HOOK1: variants seen among roughly 807,000 people sequenced by gnomAD.
HOOK1 encodes protein Hook homolog 1.
Under a neutral mutation model 112.8 loss-of-function variants are expected in HOOK1, and 60 were observed. The ratio of observed to expected loss-of-function variants is 0.53; its 90% CI spans 0.43 to 0.66. The LOEUF (loss-of-function observed/expected upper bound fraction) is 0.66. Ranked by LOEUF, HOOK1 falls within the 30% of genes least tolerant of loss-of-function variation. The pLI, the probability that HOOK1 is intolerant of heterozygous loss-of-function variation, is 0.00. For synonymous variants in HOOK1, 294 were observed against 283.8 expected (o/e 1.04, Z -0.36); for missense variants, 770 against 856.0 (o/e 0.90, Z 1.25).
At chr1:59,828,890 A>C in intron 3 of HOOK1, 38 bp downstream of exon 3, 1 of 1,509,718 alleles carries the variant, frequency 6.6e-7, no homozygotes, top group Non-Finnish European at 9.2e-7. Flanking sequence ...TGATCCAAAC[A>C]GTGGTCCTAA....
chr1:59,846,578 CCTTCCTTCCTCCCT>C (rs1559053202), intron 9 of HOOK1, among the ~76,000 whole-genome samples: 2 of 69,378 alleles, frequency 2.9e-5, no homozygotes, highest in Non-Finnish European at 6.0e-5. Flanking sequence ...TTCCTTCCTT[CCTTCCTTCCTCCCT>C]CCTCCCTCCC....
chr1:59,848,229 G>T (rs1490170220), intron 10 of HOOK1, 86 bp from the exon 11 acceptor site: 1 of 937,374 alleles, frequency 1.1e-6, no homozygotes, highest in Non-Finnish European at 1.6e-6. Flanking sequence ...TTTTGTGATA[G>T]TTTGGAAGAT....
intron 9 of HOOK1, among the ~76,000 whole-genome samples, chr1:59,843,942 A>T (rs2098402318): frequency 6.6e-6 from 1 of 152,008 alleles, no homozygotes; most frequent in South Asian, 2.1e-4. Flanking sequence ...AATGGAAAAA[A>T]ATGTAAATCG....
chr1:59,866,022 C>T (rs1377749732), intron 19 of HOOK1, 50 bp downstream of exon 19: 14 of 993,038 alleles, frequency 1.4e-5, no homozygotes, highest in Non-Finnish European at 2.0e-5. Flanking sequence ...TGTGTTTTAG[C>T]AAGGCTCATT....
Position 59,847,476 on chromosome 1 carries a change from G to A in HOOK1, c.929+291G>A, listed in dbSNP as rs564305017. 2.0e-5 allele frequency among the ~76,000 whole-genome samples: 3 copies of A among 151,542 alleles called. No homozygotes were observed. In the South Asian group the frequency reaches 6.2e-4, roughly 32 times the overall value. Reference sequence around the variant, plus strand: ...GAGTACTTATAGATACATTTAACTTGACCTCCCTGTACCTGTCATATTTTG... The same window carrying A: ...GAGTACTTATAGATACATTTAACTTAACCTCCCTGTACCTGTCATATTTTG... On this transcript the variant is annotated intron_variant, in intron 10 of 21. Coordinates refer to ENST00000371208, the MANE Select transcript of HOOK1 (RefSeq NM_015888.6).
intron 18 of HOOK1, among the ~76,000 whole-genome samples, 164 bp downstream of exon 18, chr1:59,865,409 G>C (rs1240202108): frequency 1.3e-5 from 2 of 151,998 alleles, no homozygotes; most frequent in Non-Finnish European, 2.9e-5. Flanking sequence ...ATTAATAAAA[G>C]ATATATTATT....
rs144228569 is a variant in HOOK1 at position 59,851,826 on chromosome 1, A to G, written c.1242+2643A>G. Among the ~76,000 whole-genome samples, 61 of 151,770 alleles carry G rather than the reference A, an allele frequency of 4.0e-4. 1 individual carries two copies. Among genetic ancestry groups the G allele is most frequent in the African/African-American group, 1.3e-3 (56 of 41,528 alleles). ...TCGTTTTTGTTTTTGGATGCCCTCT[A>G]CAAGGTTGAAGAATTTTCCTTCTAT... On this transcript the variant is annotated intron_variant, in intron 12 of 21. Coordinates refer to ENST00000371208, the MANE Select transcript of HOOK1 (RefSeq NM_015888.6).
chr1:59,848,539 A>G (rs745565118), intron 11 of HOOK1, 23 bp downstream of exon 11: 3 of 1,502,864 alleles, frequency 2.0e-6, no homozygotes, highest in Non-Finnish European at 2.8e-6. Flanking sequence ...TTAATTTTTA[A>G]TTGATAAAAT....
intron 12 of HOOK1, 122 bp downstream of exon 12, chr1:59,849,305 G>A (rs2098405856): frequency 3.7e-6 from 2 of 547,526 alleles, no homozygotes; most frequent in Non-Finnish European, 6.2e-6. Context: ...TGAATTTTTT[G>A]ACATAAAAGT....
In HOOK1 at chr1:59,835,425, A is replaced by T. The variant is rs2098396891; in HGVS notation, c.474+13A>T. On this transcript the variant is annotated intron_variant, in intron 6 of 21. Coordinates refer to ENST00000371208, the MANE Select transcript of HOOK1 (RefSeq NM_015888.6). ...TGCTATTCAAGAGGTAAGTTATATC[A>T]TGTTCCTATGAGTATAAAAATCCTA... 6.8e-7 allele frequency: 1 copy of T among 1,464,012 alleles called. No individual in the cohort carries two copies. The highest frequency in any genetic ancestry group is 1.4e-5 in the African/African-American group (1 of 71,562). 90.7% of individuals were successfully genotyped at this position (1,464,012 alleles called of 1,614,324 possible).
chr1:59,815,706 G>C (rs1267015229), intron 1 of HOOK1, among the ~76,000 whole-genome samples: 1 of 151,968 alleles, frequency 6.6e-6, no homozygotes, highest in Non-Finnish European at 1.5e-5. Context: ...CAGGACTCTA[G>C]AACATCCGAT....
At chr1:59,863,072 G>A (rs932110087) in intron 16 of HOOK1, among the ~76,000 whole-genome samples, 195 bp downstream of exon 16, 1 of 152,098 alleles carries the variant, frequency 6.6e-6, no homozygotes, top group Non-Finnish European at 1.5e-5. Flanking sequence ...TACATTGGAA[G>A]GTGATTTCTG....
At chr1:59,823,675 A>AT (rs1307237136) in intron 2 of HOOK1, among the ~76,000 whole-genome samples, 1 of 152,254 alleles carries the variant, frequency 6.6e-6, no homozygotes, top group African/African-American at 2.4e-5. Flanking sequence ...GATGTGATGC[A>AT]TATAGCTCTT....
intron 2 of HOOK1, among the ~76,000 whole-genome samples, chr1:59,822,534 T>A (rs1220714486): frequency 6.6e-6 from 1 of 152,188 alleles, no homozygotes; most frequent in Non-Finnish European, 1.5e-5. Flanking sequence ...TCATATAATA[T>A]CAAAAGTTTC....
At chr1:59,872,737 C>G in intron 21 of HOOK1, 58 bp from the exon 22 acceptor site, 5 of 1,194,412 alleles carry the variant, frequency 4.2e-6, no homozygotes, top group Non-Finnish European at 5.5e-6. Flanking sequence ...ATGTGAGAAG[C>G]ACTCGGCAAA....
At chr1:59,835,773 G>A (rs2098397187) in intron 6 of HOOK1, among the ~76,000 whole-genome samples, 1 of 152,068 alleles carries the variant, frequency 6.6e-6, no homozygotes, top group Non-Finnish European at 1.5e-5. Flanking sequence ...CAGATAATCA[G>A]GCATTAGATT....
rs1299265468 is a variant in HOOK1, at chr1:59,848,366, T to C, written c.981T>C (p.Arg327=). The C allele has an allele frequency of 1.2e-6, 2 of 1,611,248 alleles. No homozygotes were observed. The highest frequency in any genetic ancestry group is 8.5e-7 in the Non-Finnish European group (1 of 1,178,066). Reference sequence around the variant, plus strand: ...TGGAGTCAACAGTTGAGATATATCGTCAGAAGCTACAAGATCTGAATGACC... The same window carrying C: ...TGGAGTCAACAGTTGAGATATATCGCCAGAAGCTACAAGATCTGAATGACC... ...NKLESTVEIY[R]QKLQDLNDLR... is the part of the protein sequence containing the mutation. The change falls in exon 11 of 22, where the codon CGT becomes CGC. Residue 327 remains arginine, a synonymous_variant. Coordinates refer to ENST00000371208, the MANE Select transcript of HOOK1 (RefSeq NM_015888.6).
intron 19 of HOOK1, among the ~76,000 whole-genome samples, chr1:59,867,203 A>C (rs1008244815): frequency 4.6e-5 from 7 of 152,236 alleles, no homozygotes; most frequent in Non-Finnish European, 7.3e-5. Context: ...TAGAAAATTC[A>C]GAAAATATAC....
In HOOK1 at chr1:59,832,208, C is replaced by T. The variant is rs2098394510; in HGVS notation, c.268C>T (p.His90Tyr). The T allele has an allele frequency of 1.9e-6, 3 of 1,555,938 alleles. No homozygotes were observed. Among genetic ancestry groups the T allele is most frequent in the Middle Eastern group, 1.7e-4 (1 of 5,938 alleles). Residue 90 changes from histidine (H) to tyrosine (Y), a missense_variant, in exon 4 of 22, where the codon CAT (histidine) becomes TAT (tyrosine). Coordinates refer to ENST00000371208, the MANE Select transcript of HOOK1 (RefSeq NM_015888.6). ...CCTTCAAGGAATTATGAGTTATTAT[C>T]ATGAGGTATGAAAACCATCTGACTT... Reference protein sequence around the residue: ...KVLQGIMSYYHEFLGQQISEA... With the variant: ...KVLQGIMSYYYEFLGQQISEA...
Sources: allele counts gnomAD v4.1 joint callset (sites outside exome capture counted in the v4.1 genomes callset), GRCh38; gene constraint gnomAD v4.1.1; transcripts MANE v1.5; gene names NCBI Gene and HGNC (gene_info 2026-07-23, HGNC 2026-07-21).